CSMD1: variants seen among roughly 807,000 people sequenced by gnomAD.
CSMD1 encodes CUB and sushi domain-containing protein 1.
In CSMD1, 213 loss-of-function variants were observed where a neutral mutation model predicts 417.5. The observed-to-expected ratio is 0.51, with a 90% CI of 0.46 to 0.57. The LOEUF (loss-of-function observed/expected upper bound fraction) is 0.57. CSMD1 is among the 20% of genes least tolerant of loss of function. CSMD1 has a pLI of 0.00. For missense variants in CSMD1, 6,923 were observed against 4,529.7 expected (o/e 1.53, Z -15.17); for synonymous variants, 2,862 against 1,736.8 (o/e 1.65, Z -16.11).
At chr8:3,865,789 T>C (rs552384908) in intron 5 of CSMD1, among the ~76,000 whole-genome samples, 62 of 152,284 alleles carry the variant, frequency 4.1e-4, no homozygotes, top group African/African-American at 1.4e-3. Context: ...TTCTCTAAAA[T>C]AAGTGCCTCT....
intron 26 of CSMD1, among the ~76,000 whole-genome samples, chr8:3,235,844 T>C (rs1430915728): frequency 6.6e-6 from 1 of 151,914 alleles, no homozygotes; most frequent in Non-Finnish European, 1.5e-5. Context: ...GTGAAGTTCA[T>C]GTTGTCTAAT....
At chr8:4,932,039 T>C (rs534535852) in intron 1 of CSMD1, among the ~76,000 whole-genome samples, 16 of 152,320 alleles carry the variant, frequency 1.1e-4, no homozygotes, top group Non-Finnish European at 1.3e-4. Context: ...AAAATGCATA[T>C]TGCTAACATT....
At chr8:3,572,336 C>T (rs1054382744) in intron 10 of CSMD1, among the ~76,000 whole-genome samples, 1 of 152,126 alleles carries the variant, frequency 6.6e-6, no homozygotes, top group Non-Finnish European at 1.5e-5. Flanking sequence ...AGGGCTGAGG[C>T]TCTGCCACTG....
intron 4 of CSMD1, among the ~76,000 whole-genome samples, chr8:4,018,251 C>G (rs998456513): frequency 6.6e-6 from 1 of 151,914 alleles, no homozygotes; most frequent in Non-Finnish European, 1.5e-5. Context: ...ATGATTTAAA[C>G]ATTTGGTATT....
chr8:4,912,282 A>T (rs1022343962), intron 1 of CSMD1, among the ~76,000 whole-genome samples: 2 of 152,164 alleles, frequency 1.3e-5, no homozygotes, highest in Non-Finnish European at 2.9e-5. Flanking sequence ...AGTAGATTGT[A>T]CTAAAATGAC....
intron 10 of CSMD1, among the ~76,000 whole-genome samples, chr8:3,539,106 T>C (rs1157291263): frequency 6.6e-6 from 1 of 152,172 alleles, no homozygotes; most frequent in Non-Finnish European, 1.5e-5. Flanking sequence ...TCCCTTTCCC[T>C]GCACCCGCGG....
chr8:4,485,611 A>G (rs151004972), intron 2 of CSMD1, among the ~76,000 whole-genome samples: 1 of 152,148 alleles, frequency 6.6e-6, no homozygotes, highest in Non-Finnish European at 1.5e-5. Flanking sequence ...AAAATGGATA[A>G]TGCTTTCTAC....
chr8:4,229,552 C>G (rs988297821), intron 3 of CSMD1, among the ~76,000 whole-genome samples: 6 of 152,184 alleles, frequency 3.9e-5, no homozygotes, highest in African/African-American at 1.4e-4. Context: ...ACTTACCCAG[C>G]ATTCCCCATC....
chr8:3,889,342 T>C (rs182571117), intron 5 of CSMD1, among the ~76,000 whole-genome samples: 4 of 151,130 alleles, frequency 2.6e-5, no homozygotes, highest in Non-Finnish European at 5.9e-5. Context: ...CCATGTCTTA[T>C]GGTACTAAAA....
chr8:4,956,659 T>G (rs1288738270), intron 1 of CSMD1, among the ~76,000 whole-genome samples: 1 of 152,066 alleles, frequency 6.6e-6, no homozygotes, highest in Non-Finnish European at 1.5e-5. Flanking sequence ...TATGAAACTT[T>G]CAGAAAACAA....
At chr8:3,854,023 A>C (rs185189918) in intron 5 of CSMD1, among the ~76,000 whole-genome samples, 28 of 146,024 alleles carry the variant, frequency 1.9e-4, no homozygotes, top group Admixed American at 1.3e-3. Flanking sequence ...AAATATTATA[A>C]ATATATTAAA....
intron 2 of CSMD1, among the ~76,000 whole-genome samples, chr8:4,516,202 G>A (rs939166523): frequency 1.8e-4 from 27 of 152,110 alleles, no homozygotes; most frequent in African/African-American, 6.3e-4. Context: ...TAAGAACCCA[G>A]ACACACACAG....
intron 26 of CSMD1, among the ~76,000 whole-genome samples, chr8:3,248,403 T>G (rs1292120951): frequency 6.6e-6 from 1 of 152,112 alleles, no homozygotes; most frequent in Non-Finnish European, 1.5e-5. Context: ...ATGAAGTCCT[T>G]TAAAACTGGA....
intron 1 of CSMD1, among the ~76,000 whole-genome samples, chr8:4,699,523 A>G (rs963083881): frequency 1.3e-5 from 2 of 152,182 alleles, no homozygotes; most frequent in Non-Finnish European, 2.9e-5. Context: ...CACTCAGCTT[A>G]TGTTCTTTTC....
Position 3,506,997 on chromosome 8 carries a change from A to G in CSMD1, c.1345-13271T>C, listed in dbSNP as rs185880224. ...ATCTTTGATATAGAGTTTCTAATAT[A>G]CATTTTCATACAAGATGTTGTAAGA... On this transcript the variant is annotated intron_variant, in intron 10 of 69. Transcript: ENST00000635120. Among the ~76,000 whole-genome samples, 8 of 152,354 alleles carry G rather than the reference A, an allele frequency of 5.3e-5. No individual in the cohort carries two copies. In the East Asian group the frequency reaches 1.5e-3, roughly 29 times the overall value.
At chr8:3,448,475 G>C (rs1261351493) in intron 12 of CSMD1, among the ~76,000 whole-genome samples, 1 of 84,352 alleles carries the variant, frequency 1.2e-5, no homozygotes, top group Non-Finnish European at 2.4e-5. Flanking sequence ...AGATGTTCTT[G>C]CTGTACAAAA....
At chr8:3,291,923 TG>T (rs1292971807) in intron 25 of CSMD1, among the ~76,000 whole-genome samples, 1 of 152,098 alleles carries the variant, frequency 6.6e-6, no homozygotes, top group Non-Finnish European at 1.5e-5. Flanking sequence ...GATGTTAGGG[TG>T]TCAATTTTAG....
chr8:3,495,641 G>T (rs775813510), intron 10 of CSMD1, among the ~76,000 whole-genome samples: 4 of 152,118 alleles, frequency 2.6e-5, no homozygotes, highest in Non-Finnish European at 4.4e-5. Context: ...TTGTCATATG[G>T]CATTTTACAA....
chr8:3,762,670 C>A (rs1043320314), intron 5 of CSMD1, among the ~76,000 whole-genome samples: 1 of 152,220 alleles, frequency 6.6e-6, no homozygotes, highest in Admixed American at 6.5e-5. Flanking sequence ...TACAGGCACA[C>A]TGGTGCCCAG....
Sources: gnomAD v4.1 joint callset for allele counts (sites outside exome capture counted in the v4.1 genomes callset) on GRCh38, gnomAD v4.1.1 for gene constraint, MANE v1.5 for transcripts, NCBI Gene and HGNC (gene_info 2026-07-23, HGNC 2026-07-21) for gene names.